The following ZNF385D variants were observed in gnomAD, a reference collection of about 807,000 sequenced individuals.
The protein encoded by ZNF385D is zinc finger protein 659.
Under a neutral mutation model 35.8 loss-of-function variants are expected in ZNF385D, and 15 were observed. The observed-to-expected ratio is 0.42, with a 90% CI of 0.28 to 0.64. ZNF385D has a LOEUF of 0.64. Ranked by LOEUF, ZNF385D falls within the 30% of genes least tolerant of loss-of-function variation. The probability of loss-of-function intolerance (pLI) is 0.23; values close to 1 mark genes in which losing one functional copy is unlikely to be tolerated. For synonymous variants in ZNF385D, 212 were observed against 186.8 expected, an observed-to-expected ratio of 1.13 and a Z score of -1.10; for missense variants, 474 against 494.6, an observed-to-expected ratio of 0.96 and a Z score of 0.39.
intron 3 of ZNF385D, among the ~76,000 whole-genome samples, chr3:22,110,668 T>G (rs1702473370): frequency 6.6e-6 from 1 of 151,714 alleles, no homozygotes; most frequent in African/African-American, 2.4e-5. Flanking sequence ...GGGACAGCAT[T>G]TGGAGATACA....
At chr3:22,103,784 C>T (rs796544638) in intron 3 of ZNF385D, among the ~76,000 whole-genome samples, 15 of 152,062 alleles carry the variant, frequency 9.9e-5, no homozygotes, top group African/African-American at 3.4e-4. Flanking sequence ...CCTCTAATGG[C>T]CCAGTATCAG....
At position 21,813,774 on chromosome 3, in the gene ZNF385D, G is replaced by C. The variant is rs559811561; in HGVS notation, c.326-148746C>G. On this transcript the variant is annotated intron_variant, in intron 3 of 5. Coordinates refer to the ZNF385D transcript ENST00000494108. ...GAGAATGGAACCAAGTTGGAAAACA[G>C]TCTGCAGGATATTATCCAGGAGAAC... 5.3e-3 allele frequency among the ~76,000 whole-genome samples: 812 copies of C among 152,262 alleles called. 6 individuals are homozygous for C. The highest frequency in any genetic ancestry group is 0.017 in the African/African-American group (719 of 41,552).
At chr3:21,894,308 A>G (rs924109526) in intron 3 of ZNF385D, among the ~76,000 whole-genome samples, 2 of 152,168 alleles carry the variant, frequency 1.3e-5, no homozygotes, top group African/African-American at 4.8e-5. Context: ...TACTTAGTCA[A>G]TTCATGTAAT....
intron 3 of ZNF385D, among the ~76,000 whole-genome samples, chr3:22,094,880 C>A (rs1388942089): frequency 6.6e-6 from 1 of 151,972 alleles, no homozygotes; most frequent in Non-Finnish European, 1.5e-5. Context: ...CAGATATTAT[C>A]CTTTTTCCTT....
At chr3:21,960,570 C>T (rs1208866558) in intron 3 of ZNF385D, among the ~76,000 whole-genome samples, 1 of 152,110 alleles carries the variant, frequency 6.6e-6, no homozygotes, top group Non-Finnish European at 1.5e-5. Flanking sequence ...TAAGATCCAG[C>T]AATCCCACTA....
At chr3:22,308,624 G>C (rs778751932) in intron 2 of ZNF385D, among the ~76,000 whole-genome samples, 3 of 151,876 alleles carry the variant, frequency 2.0e-5, no homozygotes, top group Non-Finnish European at 4.4e-5. Context: ...CCACAACAGA[G>C]GCGGCATGAA....
At chr3:21,899,829 C>T (rs1161355609) in intron 3 of ZNF385D, among the ~76,000 whole-genome samples, 2 of 152,116 alleles carry the variant, frequency 1.3e-5, no homozygotes, top group Admixed American at 1.3e-4. Flanking sequence ...ATGATGATTC[C>T]TCCCTGCCCT....
At chr3:21,478,864 C>T (rs774593925) in intron 4 of ZNF385D, among the ~76,000 whole-genome samples, 11 of 152,138 alleles carry the variant, frequency 7.2e-5, no homozygotes, top group Middle Eastern at 6.8e-3. Context: ...TATTTACCTA[C>T]ATTCAAATTT....
At chr3:21,525,770 T>C (rs1007107199) in intron 3 of ZNF385D, among the ~76,000 whole-genome samples, 1 of 151,844 alleles carries the variant, frequency 6.6e-6, no homozygotes, top group Non-Finnish European at 1.5e-5. Flanking sequence ...TTCTATGAGA[T>C]CTTAATCTCC....
At chr3:21,471,487 A>G (rs1703899583) in intron 4 of ZNF385D, among the ~76,000 whole-genome samples, 1 of 152,094 alleles carries the variant, frequency 6.6e-6, no homozygotes, top group Admixed American at 6.6e-5. Context: ...ATTCTCACTA[A>G]AGAGCCCAAA....
chr3:21,585,852 G>C (rs138479082), intron 2 of ZNF385D, among the ~76,000 whole-genome samples: 1 of 152,132 alleles, frequency 6.6e-6, no homozygotes, highest in African/African-American at 2.4e-5. Context: ...GGAAAATGGA[G>C]AGATAAAATT....
intron 1 of ZNF385D, among the ~76,000 whole-genome samples, chr3:21,703,933 C>T (rs2067798478): frequency 6.6e-6 from 1 of 152,182 alleles, no homozygotes; most frequent in Non-Finnish European, 1.5e-5. Context: ...TTCGAACATG[C>T]CAAACTCCCT....
intron 2 of ZNF385D, among the ~76,000 whole-genome samples, chr3:21,661,227 T>C (rs1292188568): frequency 6.6e-6 from 1 of 152,132 alleles, no homozygotes; most frequent in Non-Finnish European, 1.5e-5. Context: ...ATAGTTTGTA[T>C]TTTTTTCACC....
intron 2 of ZNF385D, among the ~76,000 whole-genome samples, chr3:22,290,984 C>T (rs893125644): frequency 1.3e-5 from 2 of 151,804 alleles, no homozygotes; most frequent in Non-Finnish European, 2.9e-5. Flanking sequence ...TCTGATACTT[C>T]TTCTTATATG....
chr3:22,233,189 G>T (rs1278221568), intron 2 of ZNF385D, among the ~76,000 whole-genome samples: 6 of 151,204 alleles, frequency 4.0e-5, no homozygotes, highest in Non-Finnish European at 7.4e-5. Context: ...TATTATTATA[G>T]CTTCAGCCTT....
chr3:21,791,924 G>A (rs1210179687), intron 3 of ZNF385D, among the ~76,000 whole-genome samples: 1 of 152,026 alleles, frequency 6.6e-6, no homozygotes, highest in Non-Finnish European at 1.5e-5. Flanking sequence ...TAGTAGAGAC[G>A]GGGTTTCACC....
chr3:21,852,877 C>G (rs568416818), intron 3 of ZNF385D, among the ~76,000 whole-genome samples: 2 of 151,674 alleles, frequency 1.3e-5, no homozygotes, highest in Non-Finnish European at 3.0e-5. Context: ...CTCTAAAGCC[C>G]CTGGTTAAGT....
At chr3:22,104,016 A>G (rs1702076642) in intron 3 of ZNF385D, among the ~76,000 whole-genome samples, 1 of 152,194 alleles carries the variant, frequency 6.6e-6, no homozygotes, top group Admixed American at 6.6e-5. Context: ...ACAATATACA[A>G]TATATAAAAA....
intron 2 of ZNF385D, among the ~76,000 whole-genome samples, chr3:22,196,822 T>C (rs1472425236): frequency 6.6e-6 from 1 of 152,096 alleles, no homozygotes; most frequent in Non-Finnish European, 1.5e-5. Context: ...TTCCTTACTG[T>C]ACTAACCTGC....
Sources: allele counts gnomAD v4.1 joint callset (sites outside exome capture counted in the v4.1 genomes callset), GRCh38; gene constraint gnomAD v4.1.1; transcripts MANE v1.5; gene names NCBI Gene and HGNC (gene_info 2026-07-23, HGNC 2026-07-21).